RAPGEF6: variants seen among roughly 807,000 people sequenced by gnomAD.
The protein encoded by RAPGEF6 is Rap guanine nucleotide exchange factor 6.
In RAPGEF6, 56 loss-of-function variants were observed where a neutral mutation model predicts 171.4. The ratio of observed to expected loss-of-function variants is 0.33; its 90% CI spans 0.26 to 0.41. The LOEUF (loss-of-function observed/expected upper bound fraction) is 0.41, where lower values mean the gene tolerates loss of function less well. Among genes scored for constraint, RAPGEF6 ranks in the 10% least tolerant of loss-of-function variants. The pLI is 1.00. For missense variants in RAPGEF6, 1,674 were observed against 1,921.4 expected (o/e 0.87, Z 2.41); for synonymous variants, 692 against 650.1 (o/e 1.06, Z -0.98).
At chr5:131,477,960 T>TG (rs1275737711) in intron 16 of RAPGEF6, among the ~76,000 whole-genome samples, 4 of 152,198 alleles carry the variant, frequency 2.6e-5, no homozygotes, top group African/African-American at 9.7e-5. Flanking sequence ...CAGTGTGGGC[T>TG]GGCCCCTCTA....
chr5:131,445,493 CTGTGTGTG>C (rs11269268), intron 22 of RAPGEF6, among the ~76,000 whole-genome samples: 2 of 147,224 alleles, frequency 1.4e-5, no homozygotes, highest in South Asian at 2.2e-4. Context: ...AACTCACTCT[CTGTGTGTG>C]TGTGTGTGTG....
At chr5:131,477,098 TATATAA>T (rs1755153618) in intron 16 of RAPGEF6, among the ~76,000 whole-genome samples, 1 of 152,152 alleles carries the variant, frequency 6.6e-6, no homozygotes, top group Non-Finnish European at 1.5e-5. Context: ...GAGCTCTTTA[TATATAA>T]AGGGTAGTAT....
chr5:131,458,979 C>A (rs777264105), intron 19 of RAPGEF6, among the ~76,000 whole-genome samples: 1 of 152,142 alleles, frequency 6.6e-6, no homozygotes, highest in Non-Finnish European at 1.5e-5. Context: ...AAAAGAACTA[C>A]ATAAATTGAT....
At chr5:131,528,155 T>TA (rs11410156) in intron 6 of RAPGEF6, among the ~76,000 whole-genome samples, 95,222 of 123,334 alleles carry the variant, frequency 0.77, 37,200 homozygotes, top group African/African-American at 0.82. Context: ...ATATATAATA[T>TA]AAAATATATA....
chr5:131,480,945 T>C (rs183637343), intron 15 of RAPGEF6, among the ~76,000 whole-genome samples: 112 of 151,578 alleles, frequency 7.4e-4, no homozygotes, highest in African/African-American at 2.6e-3. Context: ...TTTTTTTTAA[T>C]TTTGAGACAG....
At chr5:131,579,228 G>A (rs1432842450) in intron 4 of RAPGEF6, among the ~76,000 whole-genome samples, 1 of 152,196 alleles carries the variant, frequency 6.6e-6, no homozygotes, top group Non-Finnish European at 1.5e-5. Context: ...GGCCTCAGGA[G>A]TGAAGCTGCA....
chr5:131,450,961 A>T lies in RAPGEF6; in HGVS notation c.3200+2093T>A, dbSNP rs554472699. 2.4e-4 allele frequency among the ~76,000 whole-genome samples: 37 copies of T among 152,322 alleles called. 3 individuals are homozygous for T. In the South Asian group the frequency reaches 7.7e-3, roughly 32 times the overall value. On this transcript the variant is annotated intron_variant, in intron 21 of 27. Coordinates refer to ENST00000509018, the MANE Select transcript of RAPGEF6 (RefSeq NM_016340.6). ...TTAGTATATTATAAACTGGTCTGGC[A>T]GGGTCACAAATTCATCATGTCTTCA... is the stretch of plus-strand genomic sequence containing the variant.
At chr5:131,456,659 G>A (rs1475283457) in intron 19 of RAPGEF6, among the ~76,000 whole-genome samples, 2 of 152,258 alleles carry the variant, frequency 1.3e-5, no homozygotes, top group South Asian at 2.1e-4. Context: ...CCATCACATA[G>A]GTAGGTTGCC....
chr5:131,619,100 G>T (rs1321735630), intron 1 of RAPGEF6, among the ~76,000 whole-genome samples: 1 of 151,598 alleles, frequency 6.6e-6, no homozygotes, highest in Non-Finnish European at 1.5e-5. Context: ...GTAACCAAAT[G>T]TAACGTAACA....
At chr5:131,492,975 T>C (rs193202632) in intron 13 of RAPGEF6, among the ~76,000 whole-genome samples, 190 bp from the exon 14 acceptor site, 263 of 152,324 alleles carry the variant, frequency 1.7e-3, no homozygotes, top group Non-Finnish European at 2.7e-3. Flanking sequence ...TATAAGACTT[T>C]TAAATTATCA....
chr5:131,603,173 T>G (rs954416406), intron 3 of RAPGEF6, 98 bp downstream of exon 3: 4 of 875,892 alleles, frequency 4.6e-6, no homozygotes, highest in Non-Finnish European at 7.4e-6. Flanking sequence ...TTCAGTGTGC[T>G]CTACATAAAT....
In RAPGEF6 at chr5:131,442,392, C is replaced by T. The variant is rs1752443036; in HGVS notation, c.3567G>A (p.Leu1189=). Residue 1189 remains leucine (L), a synonymous_variant, in exon 23 of 28, where the codon TTG becomes TTA. Transcript: ENST00000509018. The part of the protein sequence containing the change: ...SQVLQVPAVN[L]HPIRKKGQTK... ...TTTGTCCCTTCTTCCTGATGGGGTG[C>T]AAATTAACAGCTGGCACCTGAAGCA... is the stretch of plus-strand genomic sequence containing the variant. The T allele has an allele frequency of 1.2e-6, 2 of 1,613,936 alleles. No individual in the cohort carries two copies.
In RAPGEF6 at chr5:131,429,125, T is replaced by C; in HGVS notation, c.4557A>G (p.Leu1519=). 2.5e-6 allele frequency: 4 copies of C among 1,614,058 alleles called. No homozygotes were observed. Among genetic ancestry groups the C allele is most frequent in the Non-Finnish European group, 2.5e-6 (3 of 1,179,954 alleles). The stretch of plus-strand genomic sequence containing the variant: ...TTAGGTGTGTGTGGGGTCCTTCCTT[T>C]AGGTCCGCTAAAGAAATCCCCAAAT... ...PGYLGISLAD[L]KEGPHTHLKP... is the part of the protein sequence containing the mutation. The change falls in exon 27 of 28, where the codon CTA becomes CTG. Residue 1519 remains leucine (L), a synonymous_variant. Transcript: ENST00000509018.
Position 131,438,124 on chromosome 5 carries a change from G to T in RAPGEF6, c.3745+1457C>A, listed in dbSNP as rs1230033234. Among the ~76,000 whole-genome samples, 4 of 115,152 alleles carry T rather than the reference G, an allele frequency of 3.5e-5. No homozygotes were observed. In the East Asian group the frequency reaches 1.6e-3, roughly 47 times the overall value. The allele number at this position is 115,152 out of a possible 152,430, so 75.5% of individuals were successfully genotyped here. A position where few individuals can be genotyped will look rare whatever the true frequency, so the allele number is the denominator to read the frequency against. ...CTGCCTCGGCCTCCTGAGTAGCTGG[G>T]ACTACAGGCATGTGCCACTACCCCT... is the stretch of plus-strand genomic sequence containing the variant. On this transcript the variant is annotated intron_variant, in intron 24 of 27. Coordinates refer to ENST00000509018, the MANE Select transcript of RAPGEF6 (RefSeq NM_016340.6).
chr5:131,517,804 C>T (rs961642280), intron 7 of RAPGEF6, among the ~76,000 whole-genome samples: 6 of 150,800 alleles, frequency 4.0e-5, no homozygotes, highest in Admixed American at 4.0e-4. Context: ...CACACACACA[C>T]ACACACACAC....
Position 131,472,698 on chromosome 5 carries a change from T to A in RAPGEF6, c.2128A>T (p.Arg710Trp). Reference sequence around the variant, plus strand: ...ATAGCCAGACTATGCCTACAGTGCCTTGTTCCCACAATGCTGTCATCTTGT... The same window carrying A: ...ATAGCCAGACTATGCCTACAGTGCCATGTTCCCACAATGCTGTCATCTTGT... ...QSQDDSIVGTRHCRHSLAIMP... is the reference protein window; with the variant it reads ...QSQDDSIVGTWHCRHSLAIMP... The change falls in exon 17 of 28, where the codon AGG becomes TGG. Residue 710 changes from arginine (R) to tryptophan (W), a missense_variant. Arg to Trp is a moderately radical substitution (Grantham distance 101). Transcript: ENST00000509018. 6.2e-7 allele frequency: 1 copy of A among 1,612,694 alleles called. No homozygotes were observed. The highest frequency in any genetic ancestry group is 8.5e-7 in the Non-Finnish European group (1 of 1,178,650).
chr5:131,478,342 A>G (rs1047377571), intron 16 of RAPGEF6, among the ~76,000 whole-genome samples: 3 of 152,196 alleles, frequency 2.0e-5, no homozygotes, highest in Non-Finnish European at 4.4e-5. Flanking sequence ...TATCACTGCT[A>G]TATTATGCTG....
chr5:131,562,179 TTA>T, intron 4 of RAPGEF6, 132 bp from the exon 5 acceptor site: 2 of 598,430 alleles, frequency 3.3e-6, no homozygotes, highest in Admixed American at 3.6e-5. Context: ...GTCACAATAT[TTA>T]TGTTAAGATT....
At chr5:131,584,033 A>G (rs1341394848) in intron 4 of RAPGEF6, among the ~76,000 whole-genome samples, 1 of 152,188 alleles carries the variant, frequency 6.6e-6, no homozygotes, top group Non-Finnish European at 1.5e-5. Context: ...CAAGGAAGGG[A>G]GCAGGGAACT....
Sources: allele counts gnomAD v4.1 joint callset (sites outside exome capture counted in the v4.1 genomes callset), GRCh38; gene constraint gnomAD v4.1.1; transcripts MANE v1.5; gene names NCBI Gene and HGNC (gene_info 2026-07-23, HGNC 2026-07-21).